CEP131: variants seen among roughly 807,000 people sequenced by gnomAD.
CEP131 encodes centrosomal protein of 131 kDa.
Under a neutral mutation model 136.8 loss-of-function variants are expected in CEP131, and 99 were observed. That is an observed-to-expected ratio of 0.72 (90% CI 0.62 to 0.86). The LOEUF (loss-of-function observed/expected upper bound fraction) is 0.86. CEP131 is among the 40% of genes least tolerant of loss of function. The pLI is 0.00. For missense variants in CEP131, 1,459 were observed against 1,463.0 expected, an observed-to-expected ratio of 1.00 and a Z score of 0.04; for synonymous variants, 646 against 612.7, an observed-to-expected ratio of 1.05 and a Z score of -0.80.
chr17:81,189,606 C>T lies in CEP131; in HGVS notation c.*163G>A, dbSNP rs147261322. 268 of 709,086 alleles carry T rather than the reference C, an allele frequency of 3.8e-4. 1 individual carries two copies. The African/African-American group carries it at 3.9e-3, about 10-fold the overall frequency. 43.9% of individuals were successfully genotyped at this position (709,086 alleles called of 1,614,324 possible). ...CAGTCACTCAAGGCGCTGAAAACAA[C>T]GGCCTCCTTTACTGTTAAAATGCAG... On this transcript the variant is annotated 3_prime_UTR_variant, in exon 26 of 26. Transcript: ENST00000450824.
rs888063850 is a variant in CEP131 at position 81,203,265 on chromosome 17, C to T, written c.629+229G>A. ...CCCAAGAACAGAAGAGGGCGGCGGA[C>T]GTGGATGGGGAGCCCGGTTCACAGC... is the stretch of plus-strand genomic sequence containing the variant. On this transcript the variant is annotated intron_variant, in intron 6 of 25. Coordinates refer to ENST00000450824, the MANE Select transcript of CEP131 (RefSeq NM_014984.4). This position sits in a 1 kb window ranked among gnomAD's most constrained non-coding sequence, Gnocchi z 4.6. Among the ~76,000 whole-genome samples, 2 of 152,218 alleles carry T rather than the reference C, an allele frequency of 1.3e-5. No individual in the cohort carries two copies. The highest frequency in any genetic ancestry group is 2.9e-5 in the Non-Finnish European group (2 of 68,030).
At chr17:81,198,680 C>T (rs2061822153) in intron 11 of CEP131, among the ~76,000 whole-genome samples, 197 bp downstream of exon 11, 1 of 152,334 alleles carries the variant, frequency 6.6e-6, no homozygotes, top group South Asian at 2.1e-4. Context: ...CTGGATCCAC[C>T]CCAGCAAAGG....
Position 81,189,939 on chromosome 17 carries a change from C to T in CEP131, c.3144G>A (p.Val1048=). 1 of 1,611,824 alleles carries T rather than the reference C, an allele frequency of 6.2e-7. No individual in the cohort carries two copies. The highest frequency in any genetic ancestry group is 8.5e-7 in the Non-Finnish European group (1 of 1,178,882). Residue 1048 remains valine, a synonymous_variant, in exon 25 of 26, where the codon GTG becomes GTA. Coordinates refer to ENST00000450824, the MANE Select transcript of CEP131 (RefSeq NM_014984.4). ...CCTCATGTTGTGTCCGGAGGCTGCT[C>T]ACGGCCTCCTCCTTCCTCGCGAGGG... ...KTALARKEEA[V]SSLRTQHEAA...
Position 81,194,045 on chromosome 17 carries a change from C to T in CEP131, c.2202G>A (p.Leu734=). ...RRLKSLHEAE[L]LQSDERASQR... is the part of the protein sequence containing the mutation. ...GCGAGGCCCGCTCATCCGACTGCAGCAGCTCCGCCTCGTGCAGGCTCTTGA... is the reference window on the plus strand; with the variant it reads ...GCGAGGCCCGCTCATCCGACTGCAGTAGCTCCGCCTCGTGCAGGCTCTTGA... Residue 734 remains leucine (L), a synonymous_variant, in exon 18 of 26, where the codon CTG becomes CTA. Transcript: ENST00000450824. The T allele has an allele frequency of 6.3e-7, 1 of 1,584,012 alleles. No homozygotes were observed. The highest frequency in any genetic ancestry group is 8.6e-7 in the Non-Finnish European group (1 of 1,165,402).
intron 6 of CEP131, 22 bp from the exon 7 acceptor site, chr17:81,202,420 C>A (rs773695734): frequency 8.1e-6 from 13 of 1,608,504 alleles, no homozygotes; most frequent in South Asian, 4.4e-5. Context: ...GAAGAAAACA[C>A]CCTCGTCTCA....
Position 81,202,216 on chromosome 17 carries a change from C to G in CEP131, c.788+24G>C, listed in dbSNP as rs200008502. ...CTCTGTGTTCTAGGCTCAGGCCCCC[C>G]CCCACCGCCCCAAGATCGGTCACCT... On this transcript the variant is annotated intron_variant, in intron 7 of 25. Coordinates refer to ENST00000450824, the MANE Select transcript of CEP131 (RefSeq NM_014984.4). The G allele has an allele frequency of 1.7e-4, 267 of 1,548,088 alleles. 4 individuals carry two copies. The South Asian group carries it at 1.9e-3, about 11-fold the overall frequency.
At chr17:81,194,721 G>C (rs975828189) in intron 17 of CEP131, 149 bp downstream of exon 17, 1 of 747,428 alleles carries the variant, frequency 1.3e-6, no homozygotes, top group Non-Finnish European at 2.4e-6. Flanking sequence ...AGCGGAGGCC[G>C]TGACGGGGGT....
At chr17:81,200,601 T>C (rs1390280400) in intron 7 of CEP131, among the ~76,000 whole-genome samples, 155 bp from the exon 8 acceptor site, 1 of 152,110 alleles carries the variant, frequency 6.6e-6, no homozygotes, top group East Asian at 1.9e-4. Context: ...CCTGGACCAT[T>C]TTCACATGGC....
At chr17:81,221,679 C>T (rs979702917) in intron 1 of CEP131, among the ~76,000 whole-genome samples, 1 of 152,222 alleles carries the variant, frequency 6.6e-6, no homozygotes, top group Non-Finnish European at 1.5e-5. Flanking sequence ...CTCTTCACTC[C>T]CCATCCGGCT....
intron 16 of CEP131, among the ~76,000 whole-genome samples, chr17:81,195,627 C>T (rs931304693): frequency 7.2e-5 from 11 of 151,916 alleles, no homozygotes; most frequent in African/African-American, 1.7e-4. Context: ...CCCACGGCCC[C>T]GCCCCAGAGC....
intron 13 of CEP131, 82 bp downstream of exon 13, chr17:81,197,630 G>A (rs1183555703): frequency 4.7e-6 from 7 of 1,494,942 alleles, no homozygotes; most frequent in Non-Finnish European, 5.3e-6. Context: ...CTGGTGAGGG[G>A]CCTCCTCCCC....
intron 2 of CEP131, among the ~76,000 whole-genome samples, chr17:81,213,867 C>T (rs2062187093): frequency 6.6e-6 from 1 of 152,326 alleles, no homozygotes; most frequent in African/African-American, 2.4e-5. Context: ...TGTGGCCTTC[C>T]TCCTAGAACC....
intron 5 of CEP131, 66 bp downstream of exon 5, chr17:81,206,678 C>A: frequency 6.5e-7 from 1 of 1,533,240 alleles, no homozygotes; most frequent in Non-Finnish European, 8.8e-7. Context: ...AAGACAAAGA[C>A]ACACACAGTC....
Position 81,219,995 on chromosome 17 carries a change from C to A in CEP131, c.62G>T (p.Ser21Ile). 6.2e-7 allele frequency: 1 copy of A among 1,612,244 alleles called. No individual in the cohort carries two copies. The highest frequency in any genetic ancestry group is 8.5e-7 in the Non-Finnish European group (1 of 1,179,490). The change falls in exon 2 of 26, where the codon AGT (serine) becomes ATT (isoleucine). Residue 21 changes from serine (S) to isoleucine (I), a missense_variant. Transcript: ENST00000450824. The surrounding 1 kb of genome is among the most constrained non-coding windows in gnomAD (Gnocchi z 4.0). ...CACAGGCGGAGGGAGACCTGTCAGA[C>A]TCAGGTCCACACCTGCTGGGCTGCG... The part of the protein sequence containing the change: ...PERSPAGVDL[S>I]LTGLPPPVSR...
intron 2 of CEP131, among the ~76,000 whole-genome samples, chr17:81,214,600 C>T (rs2062204758): frequency 6.6e-6 from 1 of 151,942 alleles, no homozygotes; most frequent in Non-Finnish European, 1.5e-5. Context: ...AAAAAGTAAA[C>T]TAAAAGGTAG....
intron 12 of CEP131, 98 bp from the exon 13 acceptor site, chr17:81,197,986 G>T (rs888459395): frequency 4.0e-6 from 6 of 1,517,174 alleles, no homozygotes; most frequent in Non-Finnish European, 5.3e-6. Context: ...GCTCTGGGAG[G>T]GAGGGTTGTG....
rs777186202 is a variant in CEP131, at chr17:81,208,949, T to C, written c.251A>G (p.Gln84Arg). 1 of 1,613,882 alleles carries C rather than the reference T, an allele frequency of 6.2e-7. No individual in the cohort carries two copies. The highest frequency in any genetic ancestry group is 8.5e-7 in the Non-Finnish European group (1 of 1,179,940). Residue 84 changes from glutamine (Q) to arginine (R), a missense_variant, in exon 3 of 26, where the codon CAG (glutamine) becomes CGG (arginine). Gln to Arg is a conservative substitution (Grantham distance 43). This residue lies in a region of CEP131 where 187 missense variants were observed against 179.9 expected (regional missense o/e 1.04). Transcript: ENST00000450824. This position sits in a 1 kb window ranked among gnomAD's most constrained non-coding sequence, Gnocchi z 5.6. ...TTACCTGGGGGAGCCGCTCCGAGGCTGGCTGACCTGCGTGGTGCTGTTGGA... is the reference window on the plus strand; with the variant it reads ...TTACCTGGGGGAGCCGCTCCGAGGCCGGCTGACCTGCGTGGTGCTGTTGGA... ...RRSNSTTQVS[Q>R]PRSGSPRPTE...
In CEP131 at chr17:81,207,252, G is replaced by A. The variant is rs747943139; in HGVS notation, c.273-13C>T. ...GGGCTCCGTTGGCCTGCATCCGAGA[G>A]AGGGCGGCACACAAGGAAAGAGTCA... On this transcript the variant is annotated splice_polypyrimidine_tract_variant and intron_variant, in intron 3 of 25. Coordinates refer to ENST00000450824, the MANE Select transcript of CEP131 (RefSeq NM_014984.4). 1.9e-6 allele frequency: 3 copies of A among 1,611,496 alleles called. No homozygotes were observed. The highest frequency in any genetic ancestry group is 2.5e-6 in the Non-Finnish European group (3 of 1,179,060).
intron 19 of CEP131, 67 bp downstream of exon 19, chr17:81,192,669 G>C: frequency 7.5e-7 from 1 of 1,329,378 alleles, no homozygotes; most frequent in Non-Finnish European, 1.0e-6. Context: ...AGCGGGTGAG[G>C]GGGCGGGGGG....
Sources: allele counts gnomAD v4.1 joint callset (sites outside exome capture counted in the v4.1 genomes callset), GRCh38; gene constraint gnomAD v4.1.1; regional missense constraint gnomAD v4.1.1; non-coding constraint Gnocchi (gnomAD v3.1); transcripts MANE v1.5; gene names NCBI Gene and HGNC (gene_info 2026-07-23, HGNC 2026-07-21).